BOP1: variants seen among roughly 807,000 people sequenced by gnomAD.
BOP1 encodes the protein ribosome biogenesis protein BOP1.
A neutral mutation model predicts 82.9 loss-of-function variants in BOP1; 54 were observed. The observed-to-expected ratio is 0.65, with a 90% CI of 0.52 to 0.82. The LOEUF (loss-of-function observed/expected upper bound fraction) is 0.82. Ranked by LOEUF, BOP1 falls within the 40% of genes least tolerant of loss-of-function variation. The pLI is 0.00. For synonymous variants in BOP1, 566 were observed against 451.1 expected (o/e 1.25, Z -3.23); for missense variants, 1,170 against 1,072.0 (o/e 1.09, Z -1.28).
rs11996989 is a variant in BOP1, at chr8:144,283,802, C to T, written c.309+5293G>A. On this transcript the variant is annotated intron_variant, in intron 2 of 15. Transcript: ENST00000569669. ...ATGGCATCACCGCCTAGCGGAGGGA[C>T]GCTCCAAGCACCTTCACAATTAAAT... Among the ~76,000 whole-genome samples, 1,143 of 152,274 alleles carry T rather than the reference C, an allele frequency of 7.5e-3. 16 individuals are homozygous for T. The highest frequency in any genetic ancestry group is 0.026 in the African/African-American group (1,090 of 41,542).
At chr8:144,286,423 C>CT (rs1814870850) in intron 2 of BOP1, among the ~76,000 whole-genome samples, 1 of 136,450 alleles carries the variant, frequency 7.3e-6, no homozygotes, top group Non-Finnish European at 1.6e-5. Context: ...GGGCCTCGGC[C>CT]CCTCAGCTAA....
chr8:144,284,106 G>T (rs1814800862), intron 2 of BOP1, among the ~76,000 whole-genome samples: 1 of 151,906 alleles, frequency 6.6e-6, no homozygotes. Flanking sequence ...GACAGAGCGA[G>T]ACTCTGTCTC....
chr8:144,277,531 C>A (rs1035044795), intron 2 of BOP1, among the ~76,000 whole-genome samples: 15 of 152,274 alleles, frequency 9.9e-5, no homozygotes, highest in Non-Finnish European at 2.1e-4. Flanking sequence ...GCACCGCACG[C>A]TGGAGTCCCA....
chr8:144,275,562 G>A (rs886905291), intron 3 of BOP1, among the ~76,000 whole-genome samples: 43 of 152,056 alleles, frequency 2.8e-4, no homozygotes, highest in Admixed American at 9.2e-4. Flanking sequence ...CCAGCAGCAC[G>A]CATCCCCCTT....
At chr8:144,265,569 G>A (rs1226771653) in intron 3 of BOP1, 11 of 173,022 alleles carry the variant, frequency 6.4e-5, no homozygotes, top group African/African-American at 1.7e-4. Flanking sequence ...GAACAGCCAC[G>A]TTCCTGGACG....
rs781916186 is a variant in BOP1, at chr8:144,263,210, G to A, written c.1605+11C>T. 2.3e-5 allele frequency: 37 copies of A among 1,593,828 alleles called. No individual in the cohort carries two copies. Among genetic ancestry groups the A allele is most frequent in the Middle Eastern group, 2.2e-4 (1 of 4,476 alleles). On this transcript the variant is annotated intron_variant, in intron 12 of 15. Transcript: ENST00000569669. Reference sequence around the variant, plus strand: ...CCCGCTGCAGCCTCACCCCCAAGGCGCCCCACGTACCTTCCCGTGGCAGAT... The same window carrying A: ...CCCGCTGCAGCCTCACCCCCAAGGCACCCCACGTACCTTCCCGTGGCAGAT...
In BOP1 at chr8:144,264,497, AG is replaced by A. The variant is rs1845310848; in HGVS notation, c.765+17del. ...GGGCGGTCAGCCCAGGCCAAGCCCC[AG>A]GGGCTGTGTGCCCCACCTTCTCCTT... On this transcript the variant is annotated intron_variant, in intron 6 of 15. Coordinates refer to ENST00000569669, the MANE Select transcript of BOP1 (RefSeq NM_015201.5). 6.2e-7 allele frequency: 1 copy of A among 1,608,876 alleles called. No homozygotes were observed. Among genetic ancestry groups the A allele is most frequent in the African/African-American group, 1.3e-5 (1 of 74,850 alleles).
intron 3 of BOP1, chr8:144,266,791 C>G (rs1331284979): frequency 1.8e-6 from 2 of 1,106,028 alleles, no homozygotes; most frequent in Non-Finnish European, 1.1e-6. Context: ...GGGGGGCCGG[C>G]GGGCCGGGGG....
At chr8:144,275,040 C>T (rs1341236781) in intron 3 of BOP1, among the ~76,000 whole-genome samples, 3 of 151,504 alleles carry the variant, frequency 2.0e-5, no homozygotes, top group South Asian at 2.1e-4. Flanking sequence ...CAGCAGAGAC[C>T]GGATCGGGCG....
In BOP1 at chr8:144,289,131, G is replaced by A; in HGVS notation, c.273C>T (p.His91=). ...CCTCAGTGGTCTTTTTAATCCCACT[G>A]TGGCCCTCGTCATCAAGGGCTCCGT... ...GEDGALDDEG[H]SGIKKTTEEQ... Residue 91 remains histidine, a synonymous_variant, in exon 2 of 16, where the codon CAC becomes CAT. Transcript: ENST00000569669. The A allele has an allele frequency of 6.2e-7, 1 of 1,614,176 alleles. No homozygotes were observed. Among genetic ancestry groups the A allele is most frequent in the Non-Finnish European group, 8.5e-7 (1 of 1,180,034 alleles).
At position 144,263,548 on chromosome 8, in the gene BOP1, G is replaced by A; in HGVS notation, c.1354C>T (p.Pro452Ser). 6.2e-7 allele frequency: 1 copy of A among 1,601,176 alleles called. No individual in the cohort carries two copies. The highest frequency in any genetic ancestry group is 1.1e-5 in the South Asian group (1 of 91,036). Reference protein sequence around the residue: ...VATARCVRTVPVGGVVKSVAW... With the variant: ...VATARCVRTVSVGGVVKSVAW... Reference sequence around the variant, plus strand: ...ACACTCTTCACCACGCCCCCCACGGGAACAGTCCTCACACAGCGGGCAGTG... The same window carrying A: ...ACACTCTTCACCACGCCCCCCACGGAAACAGTCCTCACACAGCGGGCAGTG... The change falls in exon 11 of 16, where the codon CCC becomes TCC. Residue 452 changes from proline (P) to serine (S), a missense_variant. Pro to Ser is a moderately conservative substitution (Grantham distance 74). Transcript: ENST00000569669.
In BOP1 at chr8:144,263,835, G is replaced by T; in HGVS notation, c.1217C>A (p.Ala406Asp). 6.2e-7 allele frequency: 1 copy of T among 1,611,188 alleles called. No individual in the cohort carries two copies. Among genetic ancestry groups the T allele is most frequent in the Non-Finnish European group, 8.5e-7 (1 of 1,179,636 alleles). ...RDLQPFPTCQ[A>D]LVYRGHSDLV... ...AGCCCCCTAGTCTCCACTTACCAGG[G>T]CCTGGCACGTGGGGAAGGGCTGCAG... The change falls in exon 9 of 16, where the codon GCC (alanine) becomes GAC (aspartate). Residue 406 changes from alanine to aspartate, a missense_variant. Physicochemically the swap from Ala to Asp is moderately radical, Grantham distance 126. Coordinates refer to ENST00000569669, the MANE Select transcript of BOP1 (RefSeq NM_015201.5).
chr8:144,276,449 C>A, intron 2 of BOP1, 145 bp from the exon 3 acceptor site: 1 of 948,392 alleles, frequency 1.1e-6, no homozygotes, highest in Non-Finnish European at 1.6e-6. Context: ...GAACACCCAG[C>A]TCTAAGGGGG....
intron 3 of BOP1, among the ~76,000 whole-genome samples, chr8:144,268,966 C>T (rs1295618651): frequency 2.6e-5 from 4 of 152,132 alleles, no homozygotes; most frequent in Admixed American, 6.5e-5. Context: ...CCAGCCCCAG[C>T]GAGGGCAGTG....
chr8:144,266,676 G>T, intron 3 of BOP1: 1 of 1,258,278 alleles, frequency 7.9e-7, no homozygotes, highest in Non-Finnish European at 1.0e-6. Context: ...AGGTGAGCCC[G>T]CTGTCGGAGG....
Position 144,272,435 on chromosome 8 carries a change from C to A in BOP1, c.390+3789G>T, listed in dbSNP as rs112998326. 7.0e-3 allele frequency among the ~76,000 whole-genome samples: 1,063 copies of A among 152,298 alleles called. 5 individuals carry two copies. Among genetic ancestry groups the A allele is most frequent in the South Asian group, 0.025 (123 of 4,826 alleles). ...AGACCCAGCTCTCCCCAGCCGGCCT[C>A]CCCAGAGGGCCCAGAGCCTGCAGCC... On this transcript the variant is annotated intron_variant, in intron 3 of 15. Transcript: ENST00000569669.
chr8:144,266,267 C>T (rs1387647594), intron 3 of BOP1, among the ~76,000 whole-genome samples: 1 of 152,148 alleles, frequency 6.6e-6, no homozygotes, highest in African/African-American at 2.4e-5. Flanking sequence ...TCCTCCGCAT[C>T]CCCAGAGACG....
rs1845264154 is a variant in BOP1, at chr8:144,263,075, G to A, written c.1672C>T (p.His558Tyr). 3 of 1,588,920 alleles carry A rather than the reference G, an allele frequency of 1.9e-6. No individual in the cohort carries two copies. Among genetic ancestry groups the A allele is most frequent in the Non-Finnish European group, 2.5e-6 (3 of 1,176,724 alleles). Residue 558 changes from histidine to tyrosine, a missense_variant, in exon 13 of 16, where the codon CAC (histidine) becomes TAC (tyrosine). His to Tyr is a moderately conservative substitution (Grantham distance 83). Transcript: ENST00000569669. ...AGCTGGTGAATCAGCACCTGGGTGT[G>A]GCCTTGGGTGGCCAGCACCACGGCC... is the stretch of plus-strand genomic sequence containing the variant. Reference protein sequence around the residue: ...YLAVVLATQGHTQVLIHQLSR... With the variant: ...YLAVVLATQGYTQVLIHQLSR...
intron 3 of BOP1, chr8:144,267,059 T>C (rs1845388004): frequency 6.8e-7 from 1 of 1,473,502 alleles, no homozygotes; most frequent in Non-Finnish European, 8.9e-7. Context: ...GGGCCCGCCT[T>C]CTTCCACGCG....
Sources: allele counts gnomAD v4.1 joint callset (sites outside exome capture counted in the v4.1 genomes callset), GRCh38; gene constraint gnomAD v4.1.1; transcripts MANE v1.5; gene names NCBI Gene and HGNC (gene_info 2026-07-23, HGNC 2026-07-21).